CA10: variants seen among roughly 807,000 people sequenced by gnomAD.
The protein encoded by CA10 is carbonic anhydrase-related protein 10.
CA10 carries 14 observed loss-of-function variants against 44.2 expected under a neutral mutation model. The observed-to-expected ratio is 0.32, with a 90% CI of 0.21 to 0.50. CA10 has a LOEUF of 0.50. CA10 is among the 20% of genes least tolerant of loss of function. CA10 has a pLI of 0.99. For missense variants in CA10, 350 were observed against 409.7 expected (o/e 0.85, Z 1.26); for synonymous variants, 159 against 141.6 (o/e 1.12, Z -0.87).
chr17:51,877,930 G>A (rs1199966342), intron 3 of CA10, among the ~76,000 whole-genome samples: 1 of 151,802 alleles, frequency 6.6e-6, no homozygotes, highest in Non-Finnish European at 1.5e-5. Context: ...GGATCACAAG[G>A]TCAGGAGATT....
At chr17:51,944,353 C>T (rs1436348894) in intron 2 of CA10, among the ~76,000 whole-genome samples, 1 of 152,122 alleles carries the variant, frequency 6.6e-6, no homozygotes, top group Non-Finnish European at 1.5e-5. Context: ...ACAGGCACTG[C>T]CAGCAACCAG....
intron 3 of CA10, among the ~76,000 whole-genome samples, chr17:51,882,697 T>C (rs1186804009): frequency 6.6e-6 from 1 of 152,082 alleles, no homozygotes; most frequent in Non-Finnish European, 1.5e-5. Context: ...TGTGCTCAGC[T>C]CTCTTGTTCC....
chr17:52,024,083 T>A (rs575715095), intron 2 of CA10, among the ~76,000 whole-genome samples: 47 of 152,254 alleles, frequency 3.1e-4, no homozygotes, highest in African/African-American at 8.4e-4. Context: ...TTCCCTTCTA[T>A]CTGGGCTCTT....
intron 3 of CA10, among the ~76,000 whole-genome samples, chr17:51,822,077 C>T (rs922469256): frequency 6.6e-6 from 1 of 152,102 alleles, no homozygotes; most frequent in African/African-American, 2.4e-5. Flanking sequence ...TACAGATATA[C>T]ACATAGATCA....
chr17:51,960,847 TG>T (rs756230996), intron 2 of CA10, among the ~76,000 whole-genome samples: 15 of 152,324 alleles, frequency 9.8e-5, no homozygotes, highest in Non-Finnish European at 1.8e-4. Flanking sequence ...CCACAAGTGA[TG>T]GTCAGTTCTG....
intron 3 of CA10, among the ~76,000 whole-genome samples, chr17:51,842,709 C>CG (rs1567858342): frequency 6.7e-6 from 1 of 150,208 alleles, no homozygotes; most frequent in Non-Finnish European, 1.5e-5. Flanking sequence ...TCATATTAAA[C>CG]CTTTTTTTTT....
chr17:51,922,697 C>T (rs1239046952), intron 3 of CA10, among the ~76,000 whole-genome samples: 1 of 152,158 alleles, frequency 6.6e-6, no homozygotes, highest in Non-Finnish European at 1.5e-5. Flanking sequence ...TTTTTAAGAG[C>T]TTCCCAATCC....
In CA10 at chr17:52,052,298, TTAAA is replaced by T. The variant is rs1567716519; in HGVS notation, c.136+20017_136+20020del. ...CCCTGAACTTAAAAGGCTTTTTTTT[TTAAA>T]AAAAAAAAAAAAAAGACAGGCATTC... On this transcript the variant is annotated intron_variant, in intron 2 of 8. Transcript: ENST00000451037. Among the ~76,000 whole-genome samples, 14 of 9,756 alleles carry T rather than the reference TTAAA, an allele frequency of 1.4e-3. No homozygotes were observed. The East Asian group carries it at 0.041, about 28-fold the overall frequency. 6.4% of individuals were successfully genotyped at this position (9,756 alleles called of 152,430 possible). A position where few individuals can be genotyped will look rare whatever the true frequency, so the allele number is the denominator to read the frequency against.
intron 2 of CA10, among the ~76,000 whole-genome samples, chr17:52,070,891 T>C (rs1987662926): frequency 6.6e-6 from 1 of 152,196 alleles, no homozygotes; most frequent in African/African-American, 2.4e-5. Context: ...TCTTTACAGG[T>C]TGTACTAACT....
intron 5 of CA10, among the ~76,000 whole-genome samples, chr17:51,652,111 G>A (rs1186299748): frequency 6.6e-6 from 1 of 152,194 alleles, no homozygotes; most frequent in Non-Finnish European, 1.5e-5. Flanking sequence ...CATAGAATGA[G>A]TAAGCCATTC....
rs1488959373 is a variant in CA10 at position 51,631,249 on chromosome 17, G to C, written c.*335C>G. The C allele has an allele frequency of 2.6e-5, 7 of 273,072 alleles. No individual in the cohort carries two copies. The East Asian group carries it at 5.1e-4, about 20-fold the overall frequency. The allele number at this position is 273,072 out of a possible 1,614,324, so 16.9% of individuals were successfully genotyped here. A position where few individuals can be genotyped will look rare whatever the true frequency, so the allele number is the denominator to read the frequency against. ...ATCAAAATTGAAATCAGGTTAACTG[G>C]TTATTTTCTTCTAAGACCTCTTATG... is the stretch of plus-strand genomic sequence containing the variant. On this transcript the variant is annotated 3_prime_UTR_variant, in exon 9 of 9. Transcript: ENST00000451037.
intron 8 of CA10, among the ~76,000 whole-genome samples, chr17:51,632,579 CTT>C (rs1567781346): frequency 6.6e-6 from 1 of 152,160 alleles, no homozygotes; most frequent in Non-Finnish European, 1.5e-5. Context: ...TATCCAGGCT[CTT>C]GTTTGCTTCC....
At chr17:51,953,288 T>G (rs1288993571) in intron 2 of CA10, among the ~76,000 whole-genome samples, 1 of 152,178 alleles carries the variant, frequency 6.6e-6, no homozygotes, top group African/African-American at 2.4e-5. Flanking sequence ...ACTTTTTTCC[T>G]AACTCATTTT....
At chr17:51,689,741 C>G (rs1915124577) in intron 4 of CA10, among the ~76,000 whole-genome samples, 1 of 152,096 alleles carries the variant, frequency 6.6e-6, no homozygotes, top group Non-Finnish European at 1.5e-5. Context: ...TTTTCTTTCT[C>G]TTTTTTCCCT....
intron 3 of CA10, among the ~76,000 whole-genome samples, chr17:51,769,473 C>T (rs946610105): frequency 6.6e-6 from 1 of 151,918 alleles, no homozygotes; most frequent in East Asian, 1.9e-4. Flanking sequence ...TGACTCACAC[C>T]GTGTGTGTGT....
chr17:51,859,332 T>C (rs867929962), intron 3 of CA10, among the ~76,000 whole-genome samples: 6 of 152,164 alleles, frequency 3.9e-5, no homozygotes, highest in Non-Finnish European at 8.8e-5. Context: ...CACTGCTGCC[T>C]GGCCATGTCT....
chr17:52,039,585 C>T (rs1164912723), intron 2 of CA10, among the ~76,000 whole-genome samples: 2 of 151,980 alleles, frequency 1.3e-5, no homozygotes, highest in African/African-American at 4.8e-5. Flanking sequence ...TCCAGATAGA[C>T]CTAGAAATTA....
intron 2 of CA10, among the ~76,000 whole-genome samples, chr17:52,054,635 G>A (rs1204970139): frequency 4.6e-5 from 7 of 151,882 alleles, no homozygotes; most frequent in African/African-American, 1.5e-4. Flanking sequence ...GGAACCTGCC[G>A]ACATGTGATG....
intron 2 of CA10, among the ~76,000 whole-genome samples, chr17:52,065,342 C>A (rs753322874): frequency 3.3e-5 from 5 of 152,178 alleles, no homozygotes; most frequent in Non-Finnish European, 7.3e-5. Flanking sequence ...TTTTATAACT[C>A]AATTTAAGGG....
Sources: allele counts gnomAD v4.1 joint callset (sites outside exome capture counted in the v4.1 genomes callset), GRCh38; gene constraint gnomAD v4.1.1; transcripts MANE v1.5; gene names NCBI Gene and HGNC (gene_info 2026-07-23, HGNC 2026-07-21).